XIRP1: variants seen among roughly 807,000 people sequenced by gnomAD.
The protein encoded by XIRP1 is xin actin-binding repeat-containing protein 1.
For synonymous variants in XIRP1, 984 were observed against 947.0 expected (o/e 1.04, Z -0.72); for missense variants, 2,378 against 2,345.4 (o/e 1.01, Z -0.29).
At position 39,187,428 on chromosome 3, in the gene XIRP1, C is replaced by T. The variant is rs371304146; in HGVS notation, c.2018G>A (p.Arg673His). The change falls in exon 2 of 2, where the codon CGT (arginine) becomes CAT (histidine). Residue 673 changes from arginine (R) to histidine (H), a missense_variant. Coordinates refer to ENST00000340369, the MANE Select transcript of XIRP1 (RefSeq NM_194293.4). ...TCTCACAGGCCGTCTTCCACAGGGA[C>T]GGCCTGAGGCCTGAAGAGGCTCGGT... ...FETEPLQASG[R>H]PCGRRPVRYC... The T allele has an allele frequency of 1.4e-5, 23 of 1,614,164 alleles. No homozygotes were observed. Among genetic ancestry groups the T allele is most frequent in the South Asian group, 8.8e-5 (8 of 91,086 alleles).
Position 39,187,608 on chromosome 3 carries a change from T to C in XIRP1, c.1838A>G (p.Glu613Gly). The change falls in exon 2 of 2, where the codon GAG (glutamate) becomes GGG (glycine). Residue 613 changes from glutamate to glycine, a missense_variant. Physicochemically the swap from Glu to Gly is moderately conservative, Grantham distance 98. Coordinates refer to ENST00000340369, the MANE Select transcript of XIRP1 (RefSeq NM_194293.4). ...AGCCTTGGCTGTGGGATCTGTGACC[T>C]CTGACCCCTGCTTTTCGGCCAACTC... Reference protein sequence around the residue: ...MSELAEKQGSEVTDPTAKAEA... With the variant: ...MSELAEKQGSGVTDPTAKAEA... 6.2e-7 allele frequency: 1 copy of C among 1,614,128 alleles called. No homozygotes were observed. The highest frequency in any genetic ancestry group is 8.5e-7 in the Non-Finnish European group (1 of 1,180,034).
In XIRP1 at chr3:39,185,061, T is replaced by C. The variant is rs1440305212; in HGVS notation, c.4385A>G (p.Asp1462Gly). ...CTCTTTCTGGTTTCTTTGCAGACTG[T>C]CAGGGCTCTCAGGGGCCCCTTGGTG... The part of the protein sequence containing the change: ...GSHQGAPESP[D>G]SLQRNQKELQ... Residue 1462 changes from aspartate to glycine, a missense_variant, in exon 2 of 2, where the codon GAC (aspartate) becomes GGC (glycine). By Grantham distance (94) the Asp-to-Gly change is moderately conservative. Transcript: ENST00000340369. 2 of 1,523,368 alleles carry C rather than the reference T, an allele frequency of 1.3e-6. No homozygotes were observed. Among genetic ancestry groups the C allele is most frequent in the Admixed American group, 2.3e-5 (1 of 44,338 alleles). The allele number at this position is 1,523,368 out of a possible 1,614,324, so 94.4% of individuals were successfully genotyped here.
Position 39,184,924 on chromosome 3 carries a change from C to A in XIRP1, c.4522G>T (p.Ala1508Ser), listed in dbSNP as rs1225149955. The A allele has an allele frequency of 6.4e-7, 1 of 1,574,126 alleles. No homozygotes were observed. Among genetic ancestry groups the A allele is most frequent in the Non-Finnish European group, 8.6e-7 (1 of 1,159,598 alleles). The change falls in exon 2 of 2, where the codon GCT becomes TCT. Residue 1508 changes from alanine (A) to serine (S), a missense_variant. Transcript: ENST00000340369. Reference sequence around the variant, plus strand: ...TGGTGGGCAGCAGGAGCCTGAGGAGCAGCCCCTCCCAGCTGGGGCACGGCC... The same window carrying A: ...TGGTGGGCAGCAGGAGCCTGAGGAGAAGCCCCTCCCAGCTGGGGCACGGCC... ...FEAVPQLGGAAPQAPAAHQKP... is the reference protein window; with the variant it reads ...FEAVPQLGGASPQAPAAHQKP...
rs770380028 is a variant in XIRP1 at position 39,185,602 on chromosome 3, G to A, written c.3844C>T (p.Gln1282Ter). 6 of 1,606,586 alleles carry A rather than the reference G, an allele frequency of 3.7e-6. No homozygotes were observed. The Admixed American group carries it at 1.0e-4, about 27-fold the overall frequency. The change falls in exon 2 of 2, where the codon CAA becomes TAA. Residue 1282 changes from glutamine (Q) to a stop codon, truncating the protein, a stop_gained. Transcript: ENST00000340369. LOFTEE classifies it low-confidence loss of function (END_TRUNC). ...GGGTCCTTCAGGGGCTCAGAGGCTT[G>A]CTGGATGGAGTCCTCAGCACGGTGG... ...GAHRAEDSIQ[Q>*]ASEPLKDPLL...
Position 39,188,281 on chromosome 3 carries a change from G to C in XIRP1, c.1165C>G (p.Pro389Ala), listed in dbSNP as rs201883950. 97 of 1,614,188 alleles carry C rather than the reference G, an allele frequency of 6.0e-5. No homozygotes were observed. The highest frequency in any genetic ancestry group is 1.7e-6 in the Non-Finnish European group (2 of 1,180,044). The change falls in exon 2 of 2, where the codon CCC becomes GCC. Residue 389 changes from proline to alanine, a missense_variant. Pro to Ala is a conservative substitution (Grantham distance 27). Coordinates refer to ENST00000340369, the MANE Select transcript of XIRP1 (RefSeq NM_194293.4). ...RSTLWLFETK[P>A]LDAFRDKVQV... Reference sequence around the variant, plus strand: ...ACCTTGTCTCTGAAAGCATCCAGGGGCTTTGTTTCAAATAGCCACAGGGTG... The same window carrying C: ...ACCTTGTCTCTGAAAGCATCCAGGGCCTTTGTTTCAAATAGCCACAGGGTG...
Position 39,186,033 on chromosome 3 carries a change from A to G in XIRP1, c.3413T>C (p.Ile1138Thr). 1.2e-6 allele frequency: 2 copies of G among 1,613,704 alleles called. No homozygotes were observed. Among genetic ancestry groups the G allele is most frequent in the Non-Finnish European group, 1.7e-6 (2 of 1,179,872 alleles). The change falls in exon 2 of 2, where the codon ATT becomes ACT. Residue 1138 changes from isoleucine to threonine, a missense_variant. By Grantham distance (89) the Ile-to-Thr change is moderately conservative (BLOSUM62 -1). Coordinates refer to ENST00000340369, the MANE Select transcript of XIRP1 (RefSeq NM_194293.4). ...PRGLPGGWVTIQDGIYTAHPV... is the reference protein window; with the variant it reads ...PRGLPGGWVTTQDGIYTAHPV... The stretch of plus-strand genomic sequence containing the variant: ...ATGAGCGGTGTAGATGCCATCCTGA[A>G]TTGTCACCCACCCCCCAGGCAGCCC...
rs2039961624 is a variant in XIRP1 at position 39,185,969 on chromosome 3, A to G, written c.3477T>C (p.Leu1159=). 1 of 1,614,074 alleles carries G rather than the reference A, an allele frequency of 6.2e-7. No individual in the cohort carries two copies. Among genetic ancestry groups the G allele is most frequent in the Non-Finnish European group, 8.5e-7 (1 of 1,179,968 alleles). The change falls in exon 2 of 2, where the codon CTT becomes CTC. Residue 1159 remains leucine, a synonymous_variant. Coordinates refer to ENST00000340369, the MANE Select transcript of XIRP1 (RefSeq NM_194293.4). ...GCCTTGACTGGGGTTCCCTCTGAGA[A>G]AGCTGGACACCCCCAGGTGGGTCAA... The part of the protein sequence containing the change: ...RTFDPPGGVQ[L]SQREPQSRHR...
chr3:39,183,880 A>T lies in XIRP1; in HGVS notation c.*34T>A. 2 of 1,593,240 alleles carry T rather than the reference A, an allele frequency of 1.3e-6. No homozygotes were observed. The highest frequency in any genetic ancestry group is 1.7e-6 in the Non-Finnish European group (2 of 1,172,038). On this transcript the variant is annotated 3_prime_UTR_variant, in exon 2 of 2. Coordinates refer to ENST00000340369, the MANE Select transcript of XIRP1 (RefSeq NM_194293.4). ...CAGTCCTGGGGCAGTGGAGGCCAGGAACAGGTGGCAGGTGTGGTGGGAGGC... is the reference window on the plus strand; with the variant it reads ...CAGTCCTGGGGCAGTGGAGGCCAGGTACAGGTGGCAGGTGTGGTGGGAGGC...
intron 1 of XIRP1, among the ~76,000 whole-genome samples, chr3:39,190,933 TAGCCTGGGCTCCC>T (rs2040078108): frequency 6.6e-6 from 1 of 152,148 alleles, no homozygotes; most frequent in Non-Finnish European, 1.5e-5. Context: ...TCTCCTTCAT[TAGCCTGGGCTCCC>T]CTATCCTGCC....
At chr3:39,189,929 C>G (rs1245912660) in intron 1 of XIRP1, among the ~76,000 whole-genome samples, 1 of 152,190 alleles carries the variant, frequency 6.6e-6, no homozygotes, top group Non-Finnish European at 1.5e-5. Flanking sequence ...AGGCAGGTCT[C>G]TAAACTGGTG....
In XIRP1 at chr3:39,185,167, T is replaced by A; in HGVS notation, c.4279A>T (p.Lys1427Ter). ...GSNAQSSEPP[K>*]LNALNHDPTS... ...GGATCATGGTTGAGGGCATTGAGCTTGGGGGGCTCAGAGCTCTGGGCATTG... is the reference window on the plus strand; with the variant it reads ...GGATCATGGTTGAGGGCATTGAGCTAGGGGGGCTCAGAGCTCTGGGCATTG... Residue 1427 changes from lysine (K) to a stop codon, truncating the protein, a stop_gained, in exon 2 of 2, where the codon AAG becomes TAG. Transcript: ENST00000340369. LOFTEE classifies it low-confidence loss of function (END_TRUNC). The A allele has an allele frequency of 6.2e-7, 1 of 1,608,130 alleles. No homozygotes were observed. The highest frequency in any genetic ancestry group is 8.5e-7 in the Non-Finnish European group (1 of 1,176,780).
At position 39,185,175 on chromosome 3, in the gene XIRP1, T is replaced by C. The variant is rs2125899661; in HGVS notation, c.4271A>G (p.Glu1424Gly). Residue 1424 changes from glutamate (E) to glycine (G), a missense_variant, in exon 2 of 2, where the codon GAG (glutamate) becomes GGG (glycine). Physicochemically the swap from Glu to Gly is moderately conservative, Grantham distance 98 (BLOSUM62 -2). Coordinates refer to ENST00000340369, the MANE Select transcript of XIRP1 (RefSeq NM_194293.4). The part of the protein sequence containing the change: ...QATGSNAQSS[E>G]PPKLNALNHD... ...GTTGAGGGCATTGAGCTTGGGGGGC[T>C]CAGAGCTCTGGGCATTGCTGCCTGT... The C allele has an allele frequency of 6.2e-7, 1 of 1,610,876 alleles. No individual in the cohort carries two copies.
chr3:39,187,193 C>T lies in XIRP1; in HGVS notation c.2253G>A (p.Leu751=), dbSNP rs142069309. The T allele has an allele frequency of 6.9e-6, 11 of 1,597,670 alleles. No individual in the cohort carries two copies. Among genetic ancestry groups the T allele is most frequent in the Non-Finnish European group, 6.8e-6 (8 of 1,168,316 alleles). Residue 751 remains leucine (L), a synonymous_variant, in exon 2 of 2, where the codon CTG becomes CTA. Transcript: ENST00000340369. Reference sequence around the variant, plus strand: ...CTGAGGGGCTCATGGGCTGCTCTTCCAGGAGGTTGCCCCCTTGGATGCTCT... The same window carrying T: ...CTGAGGGGCTCATGGGCTGCTCTTCTAGGAGGTTGCCCCCTTGGATGCTCT... ...AAESIQGGNL[L]EEQPMSPSGN...
At position 39,186,569 on chromosome 3, in the gene XIRP1, C is replaced by G; in HGVS notation, c.2877G>C (p.Glu959Asp). 1 of 1,611,250 alleles carries G rather than the reference C, an allele frequency of 6.2e-7. No homozygotes were observed. Residue 959 changes from glutamate to aspartate, a missense_variant, in exon 2 of 2, where the codon GAG (glutamate) becomes GAC (aspartate). By Grantham distance (45) the Glu-to-Asp change is conservative. Transcript: ENST00000340369. ...PADPSPVPASEGAQSLHPTES... is the reference protein window; with the variant it reads ...PADPSPVPASDGAQSLHPTES... Reference sequence around the variant, plus strand: ...CAGTTGGGTGCAGGCTCTGGGCCCCCTCGCTGGCTGGCACTGGACTCGGGT... The same window carrying G: ...CAGTTGGGTGCAGGCTCTGGGCCCCGTCGCTGGCTGGCACTGGACTCGGGT...
At chr3:39,190,622 C>T (rs960844492) in intron 1 of XIRP1, among the ~76,000 whole-genome samples, 1 of 152,080 alleles carries the variant, frequency 6.6e-6, no homozygotes, top group Non-Finnish European at 1.5e-5. Flanking sequence ...ATGGCCACCC[C>T]AGCTCAGCCT....
At position 39,187,398 on chromosome 3, in the gene XIRP1, CA is replaced by C. The variant is rs1309897768; in HGVS notation, c.2047del (p.Cys683AlafsTer33). 6.2e-7 allele frequency: 1 copy of C among 1,614,196 alleles called. No individual in the cohort carries two copies. The highest frequency in any genetic ancestry group is 1.3e-5 in the African/African-American group (1 of 75,070). On this transcript the variant is annotated frameshift_variant, in exon 2 of 2. Coordinates refer to ENST00000340369, the MANE Select transcript of XIRP1 (RefSeq NM_194293.4). LOFTEE classifies it low-confidence loss of function (END_TRUNC). ...CCCTGAAGGGATCTCCACGCGGCTG[CA>C]GTATCTCACAGGCCGTCTTCCACAG... ...RPCGRRPVRYCSRVEIPSGQV... is the reference protein window; with the variant it reads ...RPCGRRPVRYXSRVEIPSGQV...
At position 39,188,340 on chromosome 3, in the gene XIRP1, G is replaced by A. The variant is rs549195530; in HGVS notation, c.1106C>T (p.Pro369Leu). ...ATCACCAGGGACCACTTCCTCCTTG[G>A]GTGGGGCCTCTGCTCCAGCCTCTTC... is the stretch of plus-strand genomic sequence containing the variant. ...GDEEAGAEAP[P>L]KEEVVPGDVR... Residue 369 changes from proline (P) to leucine (L), a missense_variant, in exon 2 of 2, where the codon CCC becomes CTC. Transcript: ENST00000340369. 1 of 1,614,134 alleles carries A rather than the reference G, an allele frequency of 6.2e-7. No individual in the cohort carries two copies. Among genetic ancestry groups the A allele is most frequent in the Non-Finnish European group, 8.5e-7 (1 of 1,180,020 alleles).
At position 39,187,987 on chromosome 3, in the gene XIRP1, G is replaced by T. The variant is rs1368441672; in HGVS notation, c.1459C>A (p.Gln487Lys). 1.1e-5 allele frequency: 18 copies of T among 1,614,104 alleles called. No individual in the cohort carries two copies. The highest frequency in any genetic ancestry group is 4.0e-5 in the African/African-American group (3 of 74,944). ...GCATGGAGGCGGCCCTTGCTGTCCT[G>T]CATGGCATACACTGGGGACCCTATG... ...QGIGSPVYAM[Q>K]DSKGRLHALT... Residue 487 changes from glutamine (Q) to lysine (K), a missense_variant, in exon 2 of 2, where the codon CAG becomes AAG. Physicochemically the swap from Gln to Lys is moderately conservative, Grantham distance 53. Transcript: ENST00000340369.
In XIRP1 at chr3:39,188,056, G is replaced by T. The variant is rs1264733816; in HGVS notation, c.1390C>A (p.Pro464Thr). 1.2e-6 allele frequency: 2 copies of T among 1,614,188 alleles called. No individual in the cohort carries two copies. The highest frequency in any genetic ancestry group is 1.7e-6 in the Non-Finnish European group (2 of 1,180,028). Residue 464 changes from proline (P) to threonine (T), a missense_variant, in exon 2 of 2, where the codon CCA becomes ACA. By Grantham distance (38) the Pro-to-Thr change is conservative (BLOSUM62 -1). Coordinates refer to ENST00000340369, the MANE Select transcript of XIRP1 (RefSeq NM_194293.4). ...GQGEVLAHGS[P>T]SREEGTDSAG... ...GAATCAGTTCCTTCTTCTCTGCTTG[G>T]ACTCCCATGGGCCAGAACCTCACCC...
Sources: gnomAD v4.1 joint callset for allele counts (sites outside exome capture counted in the v4.1 genomes callset) on GRCh38, gnomAD v4.1.1 for gene constraint, MANE v1.5 for transcripts, NCBI Gene and HGNC (gene_info 2026-07-23, HGNC 2026-07-21) for gene names.